The following VTI1A variants were observed in gnomAD, a reference collection of about 807,000 sequenced individuals.
The protein encoded by VTI1A is vesicle transport through interaction with t-SNAREs homolog 1A.
Under a neutral mutation model 34.9 loss-of-function variants are expected in VTI1A, and 22 were observed. The observed-to-expected ratio is 0.63, with a 90% CI of 0.45 to 0.90. The LOEUF (loss-of-function observed/expected upper bound fraction) is 0.90, where lower values mean the gene tolerates loss of function less well. VTI1A is among the 40% of genes least tolerant of loss of function. The pLI, the probability that VTI1A is intolerant of heterozygous loss-of-function variation, is 0.00. For synonymous variants in VTI1A, 87 were observed against 97.3 expected (o/e 0.89, Z 0.62); for missense variants, 268 against 275.6 (o/e 0.97, Z 0.20).
intron 3 of VTI1A, among the ~76,000 whole-genome samples, chr10:112,471,367 A>ATTTTTTTTTTTTTTTT (rs576549183): frequency 1.9e-4 from 18 of 94,380 alleles, no homozygotes; most frequent in East Asian, 6.6e-4. Flanking sequence ...ATTCTTATTG[A>ATTTTTTTTTTTTTTTT]TTTTTTTTTT....
At chr10:112,629,447 T>G (rs1324391359) in intron 5 of VTI1A, among the ~76,000 whole-genome samples, 1 of 152,246 alleles carries the variant, frequency 6.6e-6, no homozygotes, top group Non-Finnish European at 1.5e-5. Context: ...AACTGGAGGC[T>G]TATCTGGGAT....
chr10:112,822,040 T>C (rs560264628), downstream of VTI1A, among the ~76,000 whole-genome samples: 20 of 152,292 alleles, frequency 1.3e-4, no homozygotes, highest in African/African-American at 3.8e-4. Flanking sequence ...GCTTCAGTCC[T>C]ACCAGCCACA....
At chr10:112,609,172 A>G (rs141648444) in intron 5 of VTI1A, among the ~76,000 whole-genome samples, 4 of 152,158 alleles carry the variant, frequency 2.6e-5, no homozygotes, top group African/African-American at 9.7e-5. Flanking sequence ...GCTTAATCCT[A>G]CCAAAAAGCT....
chr10:112,757,718 A>G (rs1445063435), intron 7 of VTI1A, among the ~76,000 whole-genome samples: 1 of 152,142 alleles, frequency 6.6e-6, no homozygotes, highest in African/African-American at 2.4e-5. Context: ...CATTTTTAAT[A>G]TGACAGTAAT....
the VTI1A span, among the ~76,000 whole-genome samples, chr10:112,830,755 A>G: frequency 7.0e-6 from 1 of 142,200 alleles, no homozygotes; most frequent in African/African-American, 2.6e-5. Flanking sequence ...TGTTTCCTCC[A>G]TCTCAGGCAT....
intron 5 of VTI1A, among the ~76,000 whole-genome samples, chr10:112,592,178 C>T (rs1844417640): frequency 6.6e-6 from 1 of 152,178 alleles, no homozygotes; most frequent in Non-Finnish European, 1.5e-5. Flanking sequence ...CCCACAACCA[C>T]TGGAAATGAA....
At chr10:112,786,795 A>G (rs1852302674) in intron 7 of VTI1A, among the ~76,000 whole-genome samples, 1 of 152,218 alleles carries the variant, frequency 6.6e-6, no homozygotes, top group African/African-American at 2.4e-5. Flanking sequence ...CCACTTGGTC[A>G]TGATATCTAA....
Position 112,755,285 on chromosome 10 carries a change from G to T in VTI1A, c.561-60005G>T, listed in dbSNP as rs138326293. On this transcript the variant is annotated intron_variant, in intron 7 of 7. Transcript: ENST00000393077. Reference sequence around the variant, plus strand: ...AAAAGAAAGAAAGAAAGAAAGAAAAGTATGCTTCAAATTCTGTGACATATC... The same window carrying T: ...AAAAGAAAGAAAGAAAGAAAGAAAATTATGCTTCAAATTCTGTGACATATC... Among the ~76,000 whole-genome samples, 129 of 149,820 alleles carry T rather than the reference G, an allele frequency of 8.6e-4. 1 individual carries two copies. Among genetic ancestry groups the T allele is most frequent in the African/African-American group, 3.1e-3 (128 of 41,376 alleles).
chr10:112,623,244 G>A (rs760597109), intron 5 of VTI1A, among the ~76,000 whole-genome samples: 1 of 152,128 alleles, frequency 6.6e-6, no homozygotes, highest in Non-Finnish European at 1.5e-5. Context: ...TAAGTAAACA[G>A]AAATAGGTTT....
chr10:112,734,660 T>C (rs1390619453), intron 7 of VTI1A, among the ~76,000 whole-genome samples: 2 of 151,720 alleles, frequency 1.3e-5, no homozygotes, highest in East Asian at 3.9e-4. Flanking sequence ...ATTTCTTTTT[T>C]TTTTTTTTTT....
intron 4 of VTI1A, 49 bp downstream of exon 4, chr10:112,527,213 G>A: frequency 6.5e-7 from 1 of 1,550,372 alleles, no homozygotes; most frequent in Admixed American, 1.7e-5. Context: ...GGGTGAAGGA[G>A]GTCACTGGCG....
intron 7 of VTI1A, among the ~76,000 whole-genome samples, chr10:112,759,851 A>AT (rs902922031): frequency 3.9e-5 from 6 of 152,042 alleles, no homozygotes; most frequent in African/African-American, 1.4e-4. Flanking sequence ...CATAGGGTAT[A>AT]TTTCAGGGTC....
intron 7 of VTI1A, among the ~76,000 whole-genome samples, chr10:112,766,538 A>G (rs1235503074): frequency 6.6e-6 from 1 of 152,226 alleles, no homozygotes; most frequent in Non-Finnish European, 1.5e-5. Context: ...ATTCAAATTA[A>G]TAGTCAATAG....
chr10:112,604,247 A>G (rs567663726), intron 5 of VTI1A, among the ~76,000 whole-genome samples: 2 of 152,136 alleles, frequency 1.3e-5, no homozygotes, highest in East Asian at 3.9e-4. Context: ...TTTATGCTCC[A>G]TTTTCCTGAC....
chr10:112,742,204 G>A (rs774060760), intron 7 of VTI1A, among the ~76,000 whole-genome samples: 14 of 152,348 alleles, frequency 9.2e-5, no homozygotes, highest in African/African-American at 2.9e-4. Context: ...TAACTGGCAC[G>A]TTAAGTTGAT....
At chr10:112,640,611 T>C (rs186918823) in intron 5 of VTI1A, among the ~76,000 whole-genome samples, 18 of 152,108 alleles carry the variant, frequency 1.2e-4, no homozygotes, top group African/African-American at 4.3e-4. Flanking sequence ...GTGGATCAGG[T>C]TGTTGTACTT....
At chr10:112,821,932 C>T (rs774020955), downstream of VTI1A, among the ~76,000 whole-genome samples, 3 of 152,220 alleles carry the variant, frequency 2.0e-5, no homozygotes, top group South Asian at 2.1e-4. Flanking sequence ...GTGACACCCT[C>T]GCGGTGGTGG....
At chr10:112,605,744 G>C (rs1845053452) in intron 5 of VTI1A, among the ~76,000 whole-genome samples, 1 of 152,152 alleles carries the variant, frequency 6.6e-6, no homozygotes, top group Non-Finnish European at 1.5e-5. Context: ...TGATGGCTTA[G>C]AAGGGCCTTA....
At chr10:112,685,309 T>C (rs1717404283) in intron 7 of VTI1A, among the ~76,000 whole-genome samples, 1 of 152,218 alleles carries the variant, frequency 6.6e-6, no homozygotes, top group Non-Finnish European at 1.5e-5. Flanking sequence ...CTTATGTTTG[T>C]CATGTTTTAA....
Sources: allele counts gnomAD v4.1 joint callset (sites outside exome capture counted in the v4.1 genomes callset), GRCh38; gene constraint gnomAD v4.1.1; transcripts MANE v1.5; gene names NCBI Gene and HGNC (gene_info 2026-07-23, HGNC 2026-07-21).